ALK: variants seen among roughly 807,000 people sequenced by gnomAD.
The protein encoded by ALK is ALK receptor tyrosine kinase, also known as ALK tyrosine kinase receptor.
ALK carries 74 observed loss-of-function variants against 163.1 expected under a neutral mutation model. That is an observed-to-expected ratio of 0.45 (90% CI 0.38 to 0.55). The LOEUF is 0.55. Among genes scored for constraint, ALK ranks in the 20% least tolerant of loss-of-function variants. The pLI is 0.00. For synonymous variants in ALK, 960 were observed against 843.2 expected (o/e 1.14, Z -2.40); for missense variants, 2,063 against 2,105.3 (o/e 0.98, Z 0.39).
intron 1 of ALK, among the ~76,000 whole-genome samples, chr2:29,801,957 T>C (rs1664477197): frequency 2.0e-5 from 3 of 152,118 alleles, no homozygotes; most frequent in Admixed American, 2.0e-4. Context: ...AACCCCTAGG[T>C]CTGGGGGACA....
At chr2:29,752,380 C>T (rs1387058117) in intron 1 of ALK, among the ~76,000 whole-genome samples, 2 of 121,204 alleles carry the variant, frequency 1.7e-5, no homozygotes, top group East Asian at 2.4e-4. Flanking sequence ...GACGGAGTTT[C>T]GCTCTGTCGC....
In ALK at chr2:29,671,562, T is replaced by A. The variant is rs144282637; in HGVS notation, c.952+23288A>T. Reference sequence around the variant, plus strand: ...GACCCTAAGAAGGTGGAGAAGCTGGTTGACCACCTCAATTTCAGTTTTTCC... The same window carrying A: ...GACCCTAAGAAGGTGGAGAAGCTGGATGACCACCTCAATTTCAGTTTTTCC... On this transcript the variant is annotated intron_variant, in intron 3 of 28. Transcript: ENST00000389048. Among the ~76,000 whole-genome samples the A allele has an allele frequency of 8.2e-3, 1,252 of 152,178 alleles. 15 individuals are homozygous for A. Among genetic ancestry groups the A allele is most frequent in the South Asian group, 0.044 (214 of 4,822 alleles).
intron 4 of ALK, among the ~76,000 whole-genome samples, chr2:29,472,064 A>T (rs6727542): frequency 0.82 from 124,219 of 152,198 alleles, 50,985 homozygotes; most frequent in Non-Finnish European, 0.86. Context: ...CTTTCAAGGC[A>T]AGATCACAGG....
Position 29,420,156 on chromosome 2 carries a change from TA to T in ALK, c.1155-36298del, listed in dbSNP as rs66468654. Among the ~76,000 whole-genome samples, 456 of 108,706 alleles carry T rather than the reference TA, an allele frequency of 4.2e-3. 8 individuals are homozygous for T. Among genetic ancestry groups the T allele is most frequent in the Middle Eastern group, 0.034 (7 of 204 alleles). The allele number at this position is 108,706 out of a possible 152,430, so 71.3% of individuals were successfully genotyped here. The stretch of plus-strand genomic sequence containing the variant: ...TGGGTGACAAAGTGAGACCCTGTCT[TA>T]AAAAAAAAAAAAAAAAAAAAAGGTA... On this transcript the variant is annotated intron_variant, in intron 4 of 28. Transcript: ENST00000389048.
intron 3 of ALK, among the ~76,000 whole-genome samples, chr2:29,566,504 A>C (rs1318568819): frequency 6.6e-6 from 1 of 152,194 alleles, no homozygotes; most frequent in East Asian, 1.9e-4. Context: ...AGACAGTCAA[A>C]GGAACCAAGG....
chr2:29,279,775 G>A lies in ALK; in HGVS notation c.1818-4279C>T, dbSNP rs145391534. 2.5e-3 allele frequency among the ~76,000 whole-genome samples: 378 copies of A among 152,296 alleles called. 1 individual carries two copies. Among genetic ancestry groups the A allele is most frequent in the African/African-American group, 7.4e-3 (309 of 41,570 alleles). ...CTCCTGGTTCTACCCACTCCTTTCC[G>A]TGAGTCCCCCAGAAGTACAGCTACC... On this transcript the variant is annotated intron_variant, in intron 9 of 28. Coordinates refer to ENST00000389048, the MANE Select transcript of ALK (RefSeq NM_004304.5).
intron 25 of ALK, 61 bp from the exon 26 acceptor site, chr2:29,207,333 G>A (rs193136510): frequency 2.8e-5 from 38 of 1,335,302 alleles, no homozygotes; most frequent in Non-Finnish European, 4.1e-5. Flanking sequence ...CATCTGCCCT[G>A]CTGGGAAAGT....
At chr2:29,589,883 A>G (rs977134154) in intron 3 of ALK, among the ~76,000 whole-genome samples, 3 of 152,254 alleles carry the variant, frequency 2.0e-5, no homozygotes, top group Non-Finnish European at 4.4e-5. Flanking sequence ...AGGTGGAAGC[A>G]CTTTGGCAGA....
intron 3 of ALK, among the ~76,000 whole-genome samples, chr2:29,621,400 T>C (rs754090760): frequency 3.4e-4 from 51 of 152,212 alleles, no homozygotes; most frequent in Admixed American, 8.5e-4. Context: ...GCCACTTCAC[T>C]GAAGCCCTCA....
At chr2:29,325,986 T>C (rs141642358) in intron 6 of ALK, among the ~76,000 whole-genome samples, 1 of 152,280 alleles carries the variant, frequency 6.6e-6, no homozygotes, top group African/African-American at 2.4e-5. Context: ...AGAAAAAGGA[T>C]ATTTTCTAAG....
chr2:29,523,830 C>T (rs1490726727), intron 4 of ALK, among the ~76,000 whole-genome samples: 5 of 143,824 alleles, frequency 3.5e-5, no homozygotes, highest in East Asian at 4.2e-4. Flanking sequence ...TGTCAAATCT[C>T]GAAGGTCAGA....
chr2:29,731,162 C>T (rs1386095737), intron 1 of ALK, among the ~76,000 whole-genome samples: 1 of 152,192 alleles, frequency 6.6e-6, no homozygotes, highest in Non-Finnish European at 1.5e-5. Context: ...GCTCCTATCT[C>T]TACTCTGGGA....
At chr2:29,358,120 T>G (rs1021128584) in intron 5 of ALK, among the ~76,000 whole-genome samples, 1 of 152,230 alleles carries the variant, frequency 6.6e-6, no homozygotes, top group African/African-American at 2.4e-5. Context: ...ATAACCAATA[T>G]GGTACTGAGT....
chr2:29,782,294 T>C (rs913504369), intron 1 of ALK, among the ~76,000 whole-genome samples: 10 of 151,944 alleles, frequency 6.6e-5, no homozygotes, highest in African/African-American at 2.4e-4. Flanking sequence ...ACCTGTGGGT[T>C]TATAAGGAGG....
At chr2:29,605,017 C>T (rs1573493286) in intron 3 of ALK, among the ~76,000 whole-genome samples, 1 of 152,194 alleles carries the variant, frequency 6.6e-6, no homozygotes, top group Admixed American at 6.5e-5. Context: ...AATAGTAGGA[C>T]ACTATGTGAA....
chr2:29,775,233 AG>A (rs776024307), intron 1 of ALK, among the ~76,000 whole-genome samples: 17 of 152,342 alleles, frequency 1.1e-4, no homozygotes, highest in Non-Finnish European at 2.1e-4. Context: ...TTTGAACAAA[AG>A]GGCCTTTAAA....
chr2:29,739,475 T>C (rs1679990404), intron 1 of ALK, among the ~76,000 whole-genome samples: 1 of 151,476 alleles, frequency 6.6e-6, no homozygotes, highest in Non-Finnish European at 1.5e-5. Context: ...GGAGAATTGC[T>C]TGAGCCCGGG....
At chr2:29,587,274 C>T (rs1674915198) in intron 3 of ALK, among the ~76,000 whole-genome samples, 1 of 137,040 alleles carries the variant, frequency 7.3e-6, no homozygotes, top group Admixed American at 7.3e-5. Context: ...AGCTTCACTT[C>T]TTCCTTTGAC....
chr2:29,591,003 G>A (rs1195391345), intron 3 of ALK, among the ~76,000 whole-genome samples: 1 of 148,902 alleles, frequency 6.7e-6, no homozygotes, highest in Non-Finnish European at 1.5e-5. Context: ...CCTGGGAGGC[G>A]GAGCTTGCAG....
Sources: allele counts gnomAD v4.1 joint callset (sites outside exome capture counted in the v4.1 genomes callset), GRCh38; gene constraint gnomAD v4.1.1; transcripts MANE v1.5; gene names NCBI Gene and HGNC (gene_info 2026-07-23, HGNC 2026-07-21).